FUT2: variants seen among roughly 807,000 people sequenced by gnomAD.
The protein encoded by FUT2 is galactoside alpha-(1,2)-fucosyltransferase 2.
For synonymous variants in FUT2, 182 were observed against 193.1 expected (o/e 0.94, Z 0.48); for missense variants, 419 against 465.8 (o/e 0.90, Z 0.93).
chr19:48,701,001 G>C (rs1199963332), intron 1 of FUT2, among the ~76,000 whole-genome samples: 2 of 151,990 alleles, frequency 1.3e-5, no homozygotes, highest in East Asian at 3.9e-4. Flanking sequence ...AGACAACAGG[G>C]ATGCCCTGAG....
intron 1 of FUT2, 67 bp downstream of exon 1, chr19:48,696,156 G>A (rs1266026389): frequency 1.3e-5 from 2 of 152,406 alleles, no homozygotes; most frequent in Non-Finnish European, 2.9e-5. Context: ...CGGAGAGCAG[G>A]GATTTGGGAC....
At chr19:48,701,640 A>G (rs1470045405) in intron 1 of FUT2, among the ~76,000 whole-genome samples, 1 of 152,086 alleles carries the variant, frequency 6.6e-6, no homozygotes, top group South Asian at 2.1e-4. Context: ...TACAGGCAGG[A>G]CATGCAAAGA....
Position 48,704,947 on chromosome 19 carries a change from C to G in FUT2, c.*959C>G. 2.4e-6 allele frequency: 1 copy of G among 411,800 alleles called. No individual in the cohort carries two copies. Among genetic ancestry groups the G allele is most frequent in the Non-Finnish European group, 4.4e-6 (1 of 225,738 alleles). 25.5% of individuals were successfully genotyped at this position (411,800 alleles called of 1,614,324 possible). On this transcript the variant is annotated 3_prime_UTR_variant, in exon 2 of 2. Coordinates refer to ENST00000425340, the MANE Select transcript of FUT2 (RefSeq NM_000511.6). ...AAAGGGGAAATGGCTTTAGAGTAGACAACAGAGATGCCCTGAGGGGTTGTG... is the reference window on the plus strand; with the variant it reads ...AAAGGGGAAATGGCTTTAGAGTAGAGAACAGAGATGCCCTGAGGGGTTGTG...
chr19:48,703,153 T>C lies in FUT2; in HGVS notation c.197T>C (p.Ile66Thr), dbSNP rs2032550404. Reference sequence around the variant, plus strand: ...AGCCAGCTCAGGGGGATGTGGACGATCAATGCAATAGGCCGCCTGGGGAAC... The same window carrying C: ...AGCCAGCTCAGGGGGATGTGGACGACCAATGCAATAGGCCGCCTGGGGAAC... ...GPSQLRGMWT[I>T]NAIGRLGNQM... Residue 66 changes from isoleucine to threonine, a missense_variant, in exon 2 of 2, where the codon ATC (isoleucine) becomes ACC (threonine). Physicochemically the swap from Ile to Thr is moderately conservative, Grantham distance 89. Transcript: ENST00000425340. 3.7e-6 allele frequency: 6 copies of C among 1,613,470 alleles called. No individual in the cohort carries two copies. The East Asian group carries it at 6.7e-5, about 18-fold the overall frequency.
At chr19:48,700,361 C>T (rs1454738420) in intron 1 of FUT2, among the ~76,000 whole-genome samples, 1 of 150,918 alleles carries the variant, frequency 6.6e-6, no homozygotes, top group Non-Finnish European at 1.5e-5. Context: ...GAGTCTCGCT[C>T]TGTCTCCCAG....
chr19:48,700,930 A>T (rs181112466), intron 1 of FUT2, among the ~76,000 whole-genome samples: 15 of 152,140 alleles, frequency 9.9e-5, no homozygotes, highest in African/African-American at 2.4e-4. Flanking sequence ...CTGAAGGACA[A>T]GCAGCTTGCA....
intron 1 of FUT2, among the ~76,000 whole-genome samples, chr19:48,702,114 A>C (rs987029954): frequency 2.0e-5 from 3 of 152,002 alleles, no homozygotes; most frequent in African/African-American, 7.2e-5. Context: ...TAAACATACC[A>C]TGTGGGCCAG....
intron 1 of FUT2, among the ~76,000 whole-genome samples, chr19:48,697,611 C>G (rs999293966): frequency 6.6e-6 from 1 of 152,102 alleles, no homozygotes; most frequent in South Asian, 2.1e-4. Flanking sequence ...GGCACAAATT[C>G]TGCTCTGAAT....
chr19:48,701,721 G>A lies in FUT2; in HGVS notation c.-2-1234G>A, dbSNP rs12972713. 6.9e-3 allele frequency among the ~76,000 whole-genome samples: 1,056 copies of A among 152,010 alleles called. 7 individuals carry two copies. The highest frequency in any genetic ancestry group is 0.011 in the Non-Finnish European group (768 of 68,006). On this transcript the variant is annotated intron_variant, in intron 1 of 1. Coordinates refer to ENST00000425340, the MANE Select transcript of FUT2 (RefSeq NM_000511.6). ...AAAAGATGAACATCTTGGGCCGGGC[G>A]CGGTGGCTCACATCTGTAATCCCAG...
At chr19:48,701,726 G>A (rs1447645544) in intron 1 of FUT2, among the ~76,000 whole-genome samples, 2 of 151,900 alleles carry the variant, frequency 1.3e-5, no homozygotes, top group Admixed American at 1.3e-4. Context: ...CGGGCGCGGT[G>A]GCTCACATCT....
intron 1 of FUT2, among the ~76,000 whole-genome samples, chr19:48,697,286 G>C (rs2032430298): frequency 6.7e-6 from 1 of 150,368 alleles, no homozygotes; most frequent in Non-Finnish European, 1.5e-5. Flanking sequence ...CGGAGGTTGT[G>C]GTGAGCCGAG....
intron 1 of FUT2, among the ~76,000 whole-genome samples, chr19:48,699,027 G>C (rs1456864428): frequency 7.4e-6 from 1 of 135,788 alleles, no homozygotes; most frequent in Non-Finnish European, 1.6e-5. Flanking sequence ...CCTTCCATAG[G>C]TGAGAAAAAG....
chr19:48,700,333 AT>A (rs537772251), intron 1 of FUT2, among the ~76,000 whole-genome samples: 20 of 145,264 alleles, frequency 1.4e-4, no homozygotes, highest in Non-Finnish European at 1.7e-4. Context: ...ATTTTATTTT[AT>A]TTTTTTTTTT....
chr19:48,705,095 C>CT lies in FUT2; in HGVS notation c.*1111dup, dbSNP rs1353234846. 133 of 222,280 alleles carry CT rather than the reference C, an allele frequency of 6.0e-4. 2 individuals carry two copies. Among genetic ancestry groups the CT allele is most frequent in the African/African-American group, 4.7e-3 (124 of 26,440 alleles). 13.8% of individuals were successfully genotyped at this position (222,280 alleles called of 1,614,324 possible). A position where few individuals can be genotyped will look rare whatever the true frequency, so the allele number is the denominator to read the frequency against. ...GTCCACCCAGAGAGCTCACTGTTTT[C>CT]TTTTCTTTTTCTTTTCTTTTTTTTT... On this transcript the variant is annotated 3_prime_UTR_variant, in exon 2 of 2. Transcript: ENST00000425340.
intron 1 of FUT2, 64 bp downstream of exon 1, chr19:48,696,153 C>G (rs1316397970): frequency 6.6e-6 from 1 of 152,468 alleles, no homozygotes; most frequent in Admixed American, 6.5e-5. Context: ...AGGCGGAGAG[C>G]AGGGATTTGG....
rs553851855 is a variant in FUT2, at chr19:48,703,210, T to C, written c.254T>C (p.Leu85Pro). The C allele has an allele frequency of 4.3e-6, 7 of 1,613,420 alleles. 1 individual carries two copies. The South Asian group carries it at 6.6e-5, about 15-fold the overall frequency. ...GGCGAGTACGCCACACTGTACGCCCTGGCCAAGATGAACGGGCGGCCCGCC... is the reference window on the plus strand; with the variant it reads ...GGCGAGTACGCCACACTGTACGCCCCGGCCAAGATGAACGGGCGGCCCGCC... ...QMGEYATLYA[L>P]AKMNGRPAFI... The change falls in exon 2 of 2, where the codon CTG becomes CCG. Residue 85 changes from leucine to proline, a missense_variant. Transcript: ENST00000425340.
intron 1 of FUT2, among the ~76,000 whole-genome samples, chr19:48,701,008 T>C (rs1470451219): frequency 6.6e-6 from 1 of 151,978 alleles, no homozygotes; most frequent in Non-Finnish European, 1.5e-5. Context: ...AGGGATGCCC[T>C]GAGGGGTTGT....
intron 1 of FUT2, among the ~76,000 whole-genome samples, chr19:48,697,446 G>A (rs1221260018): frequency 3.3e-5 from 5 of 151,374 alleles, no homozygotes; most frequent in Non-Finnish European, 5.9e-5. Flanking sequence ...GGAGAACAGA[G>A]GACCTCCTGA....
At position 48,704,019 on chromosome 19, in the gene FUT2, T is replaced by G. The variant is rs1388652185; in HGVS notation, c.*31T>G. 8.8e-6 allele frequency: 14 copies of G among 1,595,254 alleles called. No individual in the cohort carries two copies. Among genetic ancestry groups the G allele is most frequent in the Non-Finnish European group, 1.0e-5 (12 of 1,164,330 alleles). ...GCCCATTCTTTGAGACCTTTTCTCC[T>G]TCTCTGCCTCCCTCAAGATGAGTGC... On this transcript the variant is annotated 3_prime_UTR_variant, in exon 2 of 2. Transcript: ENST00000425340.
Sources: gnomAD v4.1 joint callset for allele counts (sites outside exome capture counted in the v4.1 genomes callset) on GRCh38, gnomAD v4.1.1 for gene constraint, MANE v1.5 for transcripts, NCBI Gene and HGNC (gene_info 2026-07-23, HGNC 2026-07-21) for gene names.